GABRG3: variants seen among roughly 807,000 people sequenced by gnomAD.
GABRG3 encodes the protein gamma-aminobutyric acid receptor subunit gamma-3.
In GABRG3, 25 loss-of-function variants were observed where a neutral mutation model predicts 48.8. The ratio of observed to expected loss-of-function variants is 0.51; its 90% CI spans 0.37 to 0.72. The LOEUF (loss-of-function observed/expected upper bound fraction) is 0.72, where lower values mean the gene tolerates loss of function less well. Among genes scored for constraint, GABRG3 ranks in the 30% least tolerant of loss-of-function variants. The pLI, the probability that GABRG3 is intolerant of heterozygous loss-of-function variation, is 0.00. For synonymous variants in GABRG3, 227 were observed against 217.6 expected (o/e 1.04, Z -0.38); for missense variants, 394 against 577.9 (o/e 0.68, Z 3.26).
At chr15:27,459,917 T>C (rs1241562464) in intron 5 of GABRG3, among the ~76,000 whole-genome samples, 2 of 152,174 alleles carry the variant, frequency 1.3e-5, no homozygotes, top group African/African-American at 4.8e-5. Flanking sequence ...TTATTTATAG[T>C]CGCTTGTTTC....
chr15:27,270,136 T>TA (rs1309098195), intron 3 of GABRG3, among the ~76,000 whole-genome samples: 1 of 152,138 alleles, frequency 6.6e-6, no homozygotes, highest in Non-Finnish European at 1.5e-5. Context: ...TAGAGTAATA[T>TA]AAAAATGGTG....
chr15:27,191,532 C>G (rs1160083691), intron 3 of GABRG3, among the ~76,000 whole-genome samples: 1 of 152,046 alleles, frequency 6.6e-6, no homozygotes, highest in African/African-American at 2.4e-5. Context: ...TTTTATCAGA[C>G]TAAGATTGCA....
chr15:27,232,771 A>G (rs1889839525), intron 3 of GABRG3, among the ~76,000 whole-genome samples: 2 of 152,234 alleles, frequency 1.3e-5, no homozygotes, highest in South Asian at 4.1e-4. Context: ...TTTTCTACTA[A>G]TAAACATTTT....
At chr15:27,307,875 A>G (rs1031285667) in intron 3 of GABRG3, among the ~76,000 whole-genome samples, 15 of 135,524 alleles carry the variant, frequency 1.1e-4, no homozygotes, top group African/African-American at 3.8e-4. Flanking sequence ...ATATAAATGT[A>G]TATGTTTATA....
chr15:27,110,625 T>C (rs1264032007), intron 3 of GABRG3, among the ~76,000 whole-genome samples: 1 of 152,080 alleles, frequency 6.6e-6, no homozygotes, highest in Non-Finnish European at 1.5e-5. Flanking sequence ...CTTTCATTTT[T>C]GGAAGCACAG....
chr15:27,035,616 C>T (rs373509690), intron 3 of GABRG3, among the ~76,000 whole-genome samples: 38 of 152,322 alleles, frequency 2.5e-4, no homozygotes, highest in African/African-American at 9.1e-4. Context: ...GAAACTCTCC[C>T]GCTTTACCTT....
chr15:27,213,474 CT>C (rs926859565), intron 3 of GABRG3, among the ~76,000 whole-genome samples: 45 of 152,202 alleles, frequency 3.0e-4, no homozygotes, highest in African/African-American at 1.1e-3. Context: ...ATTTCAGTTA[CT>C]TTCCTCATAG....
At chr15:27,333,604 G>A (rs1893872230) in intron 5 of GABRG3, among the ~76,000 whole-genome samples, 2 of 152,134 alleles carry the variant, frequency 1.3e-5, no homozygotes, top group Admixed American at 1.3e-4. Context: ...TCACATCTTT[G>A]AAGTCCTTTC....
At chr15:26,984,667 G>A (rs1895119160) in intron 2 of GABRG3, among the ~76,000 whole-genome samples, 1 of 145,882 alleles carries the variant, frequency 6.9e-6, no homozygotes, top group Non-Finnish European at 1.5e-5. Context: ...GGGAAAGGCT[G>A]GAGGAGGATA....
intron 3 of GABRG3, among the ~76,000 whole-genome samples, chr15:27,171,571 T>G (rs972147306): frequency 1.3e-5 from 2 of 150,188 alleles, no homozygotes; most frequent in African/African-American, 4.9e-5. Context: ...TGTATATATA[T>G]ATATAGAGAG....
chr15:27,289,419 TTC>T (rs1316625347), intron 3 of GABRG3, among the ~76,000 whole-genome samples: 2 of 152,214 alleles, frequency 1.3e-5, no homozygotes, highest in East Asian at 3.9e-4. Flanking sequence ...ATCTATATTA[TTC>T]TGTTAAGTTG....
rs146913438 is a variant in GABRG3, at chr15:27,399,990, G to T, written c.574+71102G>T. Among the ~76,000 whole-genome samples, 147 of 152,284 alleles carry T rather than the reference G, an allele frequency of 9.7e-4. 1 individual carries two copies. Among genetic ancestry groups the T allele is most frequent in the Middle Eastern group, 6.8e-3 (2 of 294 alleles). On this transcript the variant is annotated intron_variant, in intron 5 of 9. Coordinates refer to ENST00000615808, the MANE Select transcript of GABRG3 (RefSeq NM_033223.5). ...CAGTCTATGTGGGTGATCAAAACTG[G>T]TGTCTGCTGCATGCTCATTTTATTT...
chr15:27,448,900 T>C (rs1161371392), intron 5 of GABRG3, among the ~76,000 whole-genome samples: 1 of 152,214 alleles, frequency 6.6e-6, no homozygotes, highest in Non-Finnish European at 1.5e-5. Context: ...GTCAGGGATT[T>C]CCCAAATTGT....
At position 27,293,043 on chromosome 15, in the gene GABRG3, C is replaced by T. The variant is rs1891846566; in HGVS notation, c.271-33766C>T. On this transcript the variant is annotated intron_variant, in intron 3 of 9. Transcript: ENST00000615808. ...GAAACTGCATTCATTGAAAATGCCA[C>T]GAAGGTTCCTGGGGCGATGCCGTGA... Among the ~76,000 whole-genome samples the T allele has an allele frequency of 3.3e-5, 5 of 152,230 alleles. No homozygotes were observed. In the South Asian group the frequency reaches 8.3e-4, roughly 25 times the overall value.
intron 3 of GABRG3, among the ~76,000 whole-genome samples, chr15:27,116,451 C>G (rs922110935): frequency 2.0e-5 from 3 of 152,076 alleles, no homozygotes; most frequent in African/African-American, 7.2e-5. Flanking sequence ...TAGAAACATC[C>G]ACTATCTACC....
chr15:27,267,666 A>G (rs1416588735), intron 3 of GABRG3, among the ~76,000 whole-genome samples: 3 of 152,310 alleles, frequency 2.0e-5, no homozygotes, highest in South Asian at 2.1e-4. Flanking sequence ...CAAGGAATTT[A>G]TAGATGCCAT....
At chr15:27,459,806 T>A (rs1325718871) in intron 5 of GABRG3, among the ~76,000 whole-genome samples, 1 of 152,214 alleles carries the variant, frequency 6.6e-6, no homozygotes, top group African/African-American at 2.4e-5. Context: ...CTGATATACA[T>A]TTCCTTTTGG....
At chr15:27,257,722 G>C (rs190415871) in intron 3 of GABRG3, among the ~76,000 whole-genome samples, 3 of 152,106 alleles carry the variant, frequency 2.0e-5, no homozygotes, top group African/African-American at 7.2e-5. Context: ...GCCCAGGCTG[G>C]GGTGCAGTGG....
intron 3 of GABRG3, among the ~76,000 whole-genome samples, chr15:27,070,568 T>C (rs1566926797): frequency 6.6e-6 from 1 of 152,246 alleles, no homozygotes; most frequent in Non-Finnish European, 1.5e-5. Context: ...GAAGAATATT[T>C]GGTCAGTTCA....
Sources: gnomAD v4.1 joint callset for allele counts (sites outside exome capture counted in the v4.1 genomes callset) on GRCh38, gnomAD v4.1.1 for gene constraint, MANE v1.5 for transcripts, NCBI Gene and HGNC (gene_info 2026-07-23, HGNC 2026-07-21) for gene names.